CTIF: variants seen among roughly 807,000 people sequenced by gnomAD.
CTIF encodes the protein cap binding complex dependent translation initiation factor.
Under a neutral mutation model 66.0 loss-of-function variants are expected in CTIF, and 21 were observed. The ratio of observed to expected loss-of-function variants is 0.32; its 90% CI spans 0.23 to 0.46. The LOEUF is 0.46. Among genes scored for constraint, CTIF ranks in the 20% least tolerant of loss-of-function variants. CTIF has a pLI of 1.00. For synonymous variants in CTIF, 345 were observed against 326.4 expected (o/e 1.06, Z -0.62); for missense variants, 739 against 812.7 (o/e 0.91, Z 1.10).
chr18:48,823,976 CCACACACACACACACACACA>C, intron 10 of CTIF, among the ~76,000 whole-genome samples: 1 of 124,218 alleles, frequency 8.1e-6, no homozygotes, highest in Middle Eastern at 4.8e-3. Context: ...CCTAAAGACT[CCACACACACACACACACACA>C]CACACACACA....
chr18:48,831,746 G>A (rs531522932), intron 10 of CTIF, among the ~76,000 whole-genome samples: 2 of 152,334 alleles, frequency 1.3e-5, no homozygotes, highest in South Asian at 4.1e-4. Flanking sequence ...ATTTTATGCT[G>A]TCTAATATAT....
intron 9 of CTIF, among the ~76,000 whole-genome samples, chr18:48,767,308 A>T (rs1909662987): frequency 6.6e-6 from 1 of 151,742 alleles, no homozygotes; most frequent in African/African-American, 2.4e-5. Context: ...GCCTCTTTTT[A>T]TGGGACCTTT....
chr18:48,816,316 G>C (rs1160608469), intron 9 of CTIF, among the ~76,000 whole-genome samples: 2 of 152,176 alleles, frequency 1.3e-5, no homozygotes, highest in Non-Finnish European at 1.5e-5. Context: ...AAAGACAAGA[G>C]GTAGGGGAAA....
Position 48,633,969 on chromosome 18 carries a change from G to C in CTIF, c.181-2645G>C, listed in dbSNP as rs543502806. ...ATTGGTACAATGCTCTTAACTAGAG[G>C]CTTTATTCAGATTTCACCAGTTGTT... On this transcript the variant is annotated intron_variant, in intron 2 of 11. Transcript: ENST00000256413. 2.0e-5 allele frequency among the ~76,000 whole-genome samples: 3 copies of C among 152,242 alleles called. No homozygotes were observed. The South Asian group carries it at 6.2e-4, about 32-fold the overall frequency.
At chr18:48,742,200 A>G (rs1302818027) in intron 7 of CTIF, among the ~76,000 whole-genome samples, 1 of 152,206 alleles carries the variant, frequency 6.6e-6, no homozygotes, top group Non-Finnish European at 1.5e-5. Flanking sequence ...GAAGGAGACA[A>G]CACACGAGCT....
At chr18:48,551,678 G>A (rs558259952) in intron 1 of CTIF, among the ~76,000 whole-genome samples, 2 of 152,328 alleles carry the variant, frequency 1.3e-5, no homozygotes, top group East Asian at 3.9e-4. Context: ...AGAAACCCAG[G>A]CCTGTGTGGA....
At chr18:48,572,405 G>T (rs2089436754) in intron 1 of CTIF, among the ~76,000 whole-genome samples, 1 of 152,190 alleles carries the variant, frequency 6.6e-6, no homozygotes, top group South Asian at 2.1e-4. Flanking sequence ...AAGACCCTGG[G>T]AATGCAGAGG....
intron 6 of CTIF, among the ~76,000 whole-genome samples, chr18:48,687,305 GACACACACACACACACACAC>G (rs3082465): frequency 1.4e-4 from 18 of 128,560 alleles, no homozygotes; most frequent in African/African-American, 4.3e-4. Context: ...TCTAGGAGGG[GACACACACACACACACACAC>G]ACACACACAC....
At chr18:48,652,518 G>C (rs2091175426) in intron 3 of CTIF, among the ~76,000 whole-genome samples, 1 of 152,140 alleles carries the variant, frequency 6.6e-6, no homozygotes, top group Non-Finnish European at 1.5e-5. Context: ...AAAAAGTCCA[G>C]GGCCAGACAG....
At chr18:48,741,283 C>G (rs958080407) in intron 7 of CTIF, among the ~76,000 whole-genome samples, 4 of 148,950 alleles carry the variant, frequency 2.7e-5, no homozygotes, top group East Asian at 1.9e-4. Flanking sequence ...TGCCCCCGCC[C>G]CCCCTCCTTG....
intron 7 of CTIF, among the ~76,000 whole-genome samples, chr18:48,741,348 C>A (rs78234403): frequency 0.019 from 2,882 of 150,396 alleles, 48 homozygotes; most frequent in Admixed American, 0.044. Flanking sequence ...CAGGTGCTAC[C>A]CTACCCCACC....
chr18:48,735,836 C>T (rs927011025), intron 7 of CTIF, among the ~76,000 whole-genome samples: 5 of 152,158 alleles, frequency 3.3e-5, no homozygotes, highest in African/African-American at 9.7e-5. Context: ...GTCCTCCCTG[C>T]GAGCTGCAGC....
chr18:48,799,889 A>G (rs1339277107), intron 9 of CTIF, among the ~76,000 whole-genome samples: 1 of 152,256 alleles, frequency 6.6e-6, no homozygotes. Context: ...GGGAGAGGCA[A>G]TCACTGAACG....
At chr18:48,624,243 C>T (rs987389842) in intron 2 of CTIF, among the ~76,000 whole-genome samples, 2 of 151,904 alleles carry the variant, frequency 1.3e-5, no homozygotes, top group African/African-American at 4.8e-5. Flanking sequence ...TCCCCACAGT[C>T]ACTCTATCCT....
At chr18:48,689,074 C>T (rs937485577) in intron 6 of CTIF, among the ~76,000 whole-genome samples, 9 of 152,294 alleles carry the variant, frequency 5.9e-5, no homozygotes, top group East Asian at 1.9e-4. Context: ...CCGAAAGATG[C>T]GGTGGTGTTT....
chr18:48,619,535 C>A lies in CTIF; in HGVS notation c.-28-3C>A. On this transcript the variant is annotated splice_polypyrimidine_tract_variant and splice_region_variant and intron_variant, in intron 1 of 11. Coordinates refer to ENST00000256413, the MANE Select transcript of CTIF (RefSeq NM_014772.3). The stretch of plus-strand genomic sequence containing the variant: ...CGGAGTTCTCTGTCCTCTTTCCCAC[C>A]AGTCCCGGCCCAGGCCCCTGAGCTG... 1 of 1,440,008 alleles carries A rather than the reference C, an allele frequency of 6.9e-7. No individual in the cohort carries two copies. The highest frequency in any genetic ancestry group is 9.1e-7 in the Non-Finnish European group (1 of 1,094,608). 89.2% of individuals were successfully genotyped at this position (1,440,008 alleles called of 1,614,324 possible).
chr18:48,848,108 C>CT (rs976480061), intron 10 of CTIF, among the ~76,000 whole-genome samples: 4 of 152,234 alleles, frequency 2.6e-5, no homozygotes, highest in Admixed American at 2.6e-4. Flanking sequence ...CTGCCTCATT[C>CT]TTCCCCCTGT....
intron 2 of CTIF, among the ~76,000 whole-genome samples, chr18:48,624,160 G>T (rs1465221067): frequency 9.7e-6 from 1 of 103,002 alleles, no homozygotes; most frequent in African/African-American, 4.0e-5. Flanking sequence ...TTGACACCAC[G>T]CCCCTCCCCC....
intron 7 of CTIF, among the ~76,000 whole-genome samples, chr18:48,729,817 A>G (rs1450488283): frequency 6.6e-6 from 1 of 152,246 alleles, no homozygotes; most frequent in Non-Finnish European, 1.5e-5. Flanking sequence ...GAAGTCCCTC[A>G]GAAACGGAAA....
Sources: allele counts gnomAD v4.1 joint callset (sites outside exome capture counted in the v4.1 genomes callset), GRCh38; gene constraint gnomAD v4.1.1; transcripts MANE v1.5; gene names NCBI Gene and HGNC (gene_info 2026-07-23, HGNC 2026-07-21).